Variants in FBRS observed in about 807,000 individuals in gnomAD.
The protein encoded by FBRS is fibrosin, also known as probable fibrosin-1.
A neutral mutation model predicts 86.1 loss-of-function variants in FBRS; 15 were observed. That is an observed-to-expected ratio of 0.17 (90% CI 0.12 to 0.27). The LOEUF (loss-of-function observed/expected upper bound fraction) is 0.27. Among genes scored for constraint, FBRS ranks in the 10% least tolerant of loss-of-function variants. The probability of loss-of-function intolerance (pLI) is 1.00; values close to 1 mark genes in which losing one functional copy is unlikely to be tolerated. For synonymous variants in FBRS, 666 were observed against 575.8 expected, an observed-to-expected ratio of 1.16 and a Z score of -2.24; for missense variants, 1,367 against 1,301.6, an observed-to-expected ratio of 1.05 and a Z score of -0.77.
chr16:30,665,092 G>A lies in FBRS; in HGVS notation c.1608+13G>A. 1 of 1,611,660 alleles carries A rather than the reference G, an allele frequency of 6.2e-7. No individual in the cohort carries two copies. The highest frequency in any genetic ancestry group is 8.5e-7 in the Non-Finnish European group (1 of 1,179,442). On this transcript the variant is annotated intron_variant, in intron 9 of 17. Coordinates refer to ENST00000356166, the MANE Select transcript of FBRS (RefSeq NM_001105079.3). This position sits in a 1 kb window ranked among gnomAD's most constrained non-coding sequence, Gnocchi z 4.1. Reference sequence around the variant, plus strand: ...TTTCCGACATAATGTGAGTGTGTGTGTGCGTGTGCGTATGGGGTGTGTGGT... The same window carrying A: ...TTTCCGACATAATGTGAGTGTGTGTATGCGTGTGCGTATGGGGTGTGTGGT...
intron 4 of FBRS, 33 bp downstream of exon 4, chr16:30,661,366 C>T (rs1315958922): frequency 6.4e-7 from 1 of 1,550,670 alleles, no homozygotes; most frequent in South Asian, 1.2e-5. Flanking sequence ...TGGGCAGTGT[C>T]ACTGCTTGTA....
Position 30,659,996 on chromosome 16 carries a change from A to T in FBRS, c.459+19A>T. ...CTTGCAGGTGGGGCCTAATGGGGCT[A>T]GGAGACTTTGGGGGTTTCCGAGGGG... On this transcript the variant is annotated intron_variant, in intron 1 of 17. Coordinates refer to ENST00000356166, the MANE Select transcript of FBRS (RefSeq NM_001105079.3). 1 of 1,547,386 alleles carries T rather than the reference A, an allele frequency of 6.5e-7. No individual in the cohort carries two copies. The highest frequency in any genetic ancestry group is 1.2e-5 in the South Asian group (1 of 83,986).
At chr16:30,666,329 G>A in intron 11 of FBRS, 183 bp from the exon 12 acceptor site, 1 of 720,916 alleles carries the variant, frequency 1.4e-6, no homozygotes, top group Non-Finnish European at 2.3e-6. Context: ...GAAACCTTGT[G>A]CTGGAGGAGA....
At position 30,659,911 on chromosome 16, in the gene FBRS, A is replaced by G. The variant is rs541797694; in HGVS notation, c.393A>G (p.Glu131=). 2.2e-5 allele frequency: 34 copies of G among 1,551,366 alleles called. No homozygotes were observed. In the East Asian group the frequency reaches 4.6e-4, roughly 21 times the overall value. The part of the protein sequence containing the change: ...GEAEEEPEEE[E]EEEEDLIDGF... Reference sequence around the variant, plus strand: ...CCGAGGAGGAGCCTGAGGAGGAGGAAGAGGAGGAGGAGGACTTGATCGATG... The same window carrying G: ...CCGAGGAGGAGCCTGAGGAGGAGGAGGAGGAGGAGGAGGACTTGATCGATG... Residue 131 remains glutamate, a synonymous_variant, in exon 1 of 18, where the codon GAA becomes GAG. Transcript: ENST00000356166.
chr16:30,667,987 A>C (rs2052542813), intron 15 of FBRS: 2 of 260,612 alleles, frequency 7.7e-6, no homozygotes, highest in Non-Finnish European at 1.4e-5. Flanking sequence ...TGGGTGGACA[A>C]GGAAGAGTTG....
In FBRS at chr16:30,665,596, G is replaced by A. The variant is rs1438760561; in HGVS notation, c.1705-42G>A. ...TTGGTTCTGGATCCCTTTGTGCTTG[G>A]TGCCAGCTCTCCTGTCTGATCCCTC... On this transcript the variant is annotated intron_variant, in intron 10 of 17. Coordinates refer to ENST00000356166, the MANE Select transcript of FBRS (RefSeq NM_001105079.3). This position sits in a 1 kb window ranked among gnomAD's most constrained non-coding sequence, Gnocchi z 4.1. 3.2e-6 allele frequency: 5 copies of A among 1,553,208 alleles called. No individual in the cohort carries two copies. The highest frequency in any genetic ancestry group is 3.5e-6 in the Non-Finnish European group (4 of 1,146,952).
Position 30,664,503 on chromosome 16 carries a change from T to A in FBRS, c.1344T>A (p.Ala448=), listed in dbSNP as rs2052498869. 1 of 1,409,848 alleles carries A rather than the reference T, an allele frequency of 7.1e-7. No individual in the cohort carries two copies. The highest frequency in any genetic ancestry group is 1.5e-5 in the African/African-American group (1 of 67,398). The allele number at this position is 1,409,848 out of a possible 1,614,324, so 87.3% of individuals were successfully genotyped here. ...QVPGHPGASA[A]NALSEQDLIG... is the part of the protein sequence containing the mutation. ...CAGGGCACCCTGGGGCCTCAGCCGC[T>A]AACGCCCTTTCTGGTGAGTTTGGGG... Residue 448 remains alanine, a synonymous_variant, in exon 7 of 18, where the codon GCT becomes GCA. Transcript: ENST00000356166.
chr16:30,666,605 G>A (rs1596618318), intron 12 of FBRS, 64 bp downstream of exon 12: 3 of 1,610,696 alleles, frequency 1.9e-6, no homozygotes, highest in East Asian at 4.5e-5. Flanking sequence ...GTTTGGCTAA[G>A]GGGGGTTTTG....
intron 15 of FBRS, 104 bp from the exon 16 acceptor site, chr16:30,668,456 C>A: frequency 2.1e-6 from 2 of 968,384 alleles, no homozygotes; most frequent in Non-Finnish European, 3.2e-6. Context: ...TGAAAGCAGG[C>A]AGCTGAGGAC....
intron 4 of FBRS, 50 bp from the exon 5 acceptor site, chr16:30,662,354 TGGCCTTCCTGGGTGGA>T: frequency 6.5e-7 from 1 of 1,548,014 alleles, no homozygotes; most frequent in Non-Finnish European, 8.7e-7. Flanking sequence ...AGAGGCTATT[TGGCCTTCCTGGGTGGA>T]GGCCTGGCCC....
rs891254508 is a variant in FBRS, at chr16:30,665,619, C to T, written c.1705-19C>T. On this transcript the variant is annotated intron_variant, in intron 10 of 17. Coordinates refer to ENST00000356166, the MANE Select transcript of FBRS (RefSeq NM_001105079.3). This position sits in a 1 kb window ranked among gnomAD's most constrained non-coding sequence, Gnocchi z 4.1. ...TGGTGCCAGCTCTCCTGTCTGATCC[C>T]TCCACTCCCCTTTCCCAGAGCACGA... The T allele has an allele frequency of 2.5e-6, 4 of 1,574,628 alleles. No individual in the cohort carries two copies. Among genetic ancestry groups the T allele is most frequent in the Non-Finnish European group, 3.4e-6 (4 of 1,160,228 alleles).
chr16:30,668,431 T>C (rs2052547024), intron 15 of FBRS, 129 bp from the exon 16 acceptor site: 1 of 778,230 alleles, frequency 1.3e-6, no homozygotes, highest in Non-Finnish European at 2.2e-6. Context: ...AAGGAAGTGC[T>C]CAGCACATGG....
At chr16:30,667,486 G>A (rs1039377165) in intron 14 of FBRS, 49 bp downstream of exon 14, 3 of 1,514,284 alleles carry the variant, frequency 2.0e-6, no homozygotes, top group Admixed American at 4.4e-5. Flanking sequence ...TCTATAGCCT[G>A]AGGCCCAGCT....
Position 30,667,052 on chromosome 16 carries a change from G to C in FBRS, c.1875+62G>C, listed in dbSNP as rs796119387. The C allele has an allele frequency of 8.0e-6, 12 of 1,496,034 alleles. No individual in the cohort carries two copies. The African/African-American group carries it at 1.7e-4, about 21-fold the overall frequency. The allele number at this position is 1,496,034 out of a possible 1,614,324, so 92.7% of individuals were successfully genotyped here. On this transcript the variant is annotated intron_variant, in intron 13 of 17. Coordinates refer to ENST00000356166, the MANE Select transcript of FBRS (RefSeq NM_001105079.3). ...GAGTCAGGGGAGGACTGAGCTCTGG[G>C]CATTGGCCCTCAACAGAGCTCAGCA...
chr16:30,660,171 G>T, intron 1 of FBRS, 92 bp from the exon 2 acceptor site: 1 of 1,411,698 alleles, frequency 7.1e-7, no homozygotes, highest in Non-Finnish European at 9.3e-7. Flanking sequence ...CGGTTTCCCG[G>T]CCCGAGGGGT....
chr16:30,665,418 G>A lies in FBRS; in HGVS notation c.1704+17G>A, dbSNP rs2052511797. On this transcript the variant is annotated intron_variant, in intron 10 of 17. Transcript: ENST00000356166. The surrounding 1 kb of genome is among the most constrained non-coding windows in gnomAD (Gnocchi z 4.1). ...CAGCCCAAGGTGAGCTCCCAATCCA[G>A]ACACCACCACCGCCTACCATCTTGA... 6.4e-7 allele frequency: 1 copy of A among 1,557,810 alleles called. No homozygotes were observed. Among genetic ancestry groups the A allele is most frequent in the East Asian group, 2.4e-5 (1 of 41,656 alleles).
rs1448678854 is a variant in FBRS at position 30,659,957 on chromosome 16, G to T, written c.439G>T (p.Ala147Ser). Residue 147 changes from alanine to serine, a missense_variant, in exon 1 of 18, where the codon GCC becomes TCC. Around this residue, in one of 3 missense-constraint regions of FBRS, gnomAD observed 702 missense variants for 598.7 expected, o/e 1.17. Transcript: ENST00000356166. ...LIDGFAIASF[A>S]TLEALQKDAS... is the part of the protein sequence containing the mutation. ...CGATGGCTTCGCCATCGCCAGCTTC[G>T]CCACCCTCGAGGCCTTGCAGGTGGG... 1.3e-6 allele frequency: 2 copies of T among 1,550,200 alleles called. No individual in the cohort carries two copies. Among genetic ancestry groups the T allele is most frequent in the Non-Finnish European group, 1.7e-6 (2 of 1,147,056 alleles).
At chr16:30,666,116 A>G (rs2052519549) in intron 11 of FBRS, 2 of 408,112 alleles carry the variant, frequency 4.9e-6, no homozygotes, top group Admixed American at 4.1e-5. Context: ...GAACGTTGTG[A>G]AACGCACAGG....
At chr16:30,667,224 G>A in intron 13 of FBRS, 96 bp from the exon 14 acceptor site, 1 of 1,099,928 alleles carries the variant, frequency 9.1e-7, no homozygotes, top group Non-Finnish European at 1.3e-6. Flanking sequence ...CCATCTGGGT[G>A]CCAGCCAGCC....
Sources: gnomAD v4.1 joint callset for allele counts on GRCh38, gnomAD v4.1.1 for gene constraint, gnomAD v4.1.1 regional missense constraint, Gnocchi (gnomAD v3.1) non-coding constraint, MANE v1.5 for transcripts, NCBI Gene and HGNC (gene_info 2026-07-23, HGNC 2026-07-21) for gene names.